Variants in PLCB4 observed in about 807,000 individuals in gnomAD.
The protein encoded by PLCB4 is 1-phosphatidylinositol 4,5-bisphosphate phosphodiesterase beta-4.
Under a neutral mutation model 178.8 loss-of-function variants are expected in PLCB4, and 77 were observed. That is an observed-to-expected ratio of 0.43 (90% CI 0.36 to 0.52). The LOEUF is 0.52. Ranked by LOEUF, PLCB4 falls within the 20% of genes least tolerant of loss-of-function variation. The pLI, the probability that PLCB4 is intolerant of heterozygous loss-of-function variation, is 0.00. For missense variants in PLCB4, 1,024 were observed against 1,453.4 expected (o/e 0.70, Z 4.80); for synonymous variants, 496 against 490.8 (o/e 1.01, Z -0.14).
intron 17 of PLCB4, among the ~76,000 whole-genome samples, chr20:9,392,234 G>C (rs1472773608): frequency 6.6e-6 from 1 of 152,220 alleles, no homozygotes; most frequent in Non-Finnish European, 1.5e-5. Context: ...AACAAAGCAA[G>C]GGAAGAATGA....
intron 2 of PLCB4, among the ~76,000 whole-genome samples, chr20:9,115,759 C>T (rs544794580): frequency 6.6e-6 from 1 of 151,770 alleles, no homozygotes; most frequent in Non-Finnish European, 1.5e-5. Context: ...TATTGATGGG[C>T]TTGATTCTTC....
chr20:9,344,373 C>T (rs888756429), intron 7 of PLCB4, among the ~76,000 whole-genome samples: 5 of 152,204 alleles, frequency 3.3e-5, no homozygotes, highest in African/African-American at 4.8e-5. Context: ...CTTCTTAGCA[C>T]GACTTACTTA....
chr20:9,398,741 C>G lies in PLCB4; in HGVS notation c.1511-2749C>G, dbSNP rs534979648. On this transcript the variant is annotated intron_variant, in intron 19 of 39. Transcript: ENST00000378473. ...TTGAGATGGAGTCTTGCTCTGTCAC[C>G]CAGGCTGGAGTGCAGTGGCGCGATC... Among the ~76,000 whole-genome samples the G allele has an allele frequency of 2.7e-5, 4 of 148,638 alleles. No homozygotes were observed. In the East Asian group the frequency reaches 7.8e-4, roughly 29 times the overall value.
chr20:9,112,415 T>TG (rs2091614859), intron 2 of PLCB4, among the ~76,000 whole-genome samples: 1 of 151,880 alleles, frequency 6.6e-6, no homozygotes, highest in African/African-American at 2.4e-5. Flanking sequence ...CCACCATGCC[T>TG]GGCTAATTTT....
Position 9,194,545 on chromosome 20 carries a change from G to A in PLCB4, c.-78-22845G>A, listed in dbSNP as rs192729608. ...CTACTAAAAATACAAAAAATTAGCC[G>A]GGCGTGGTGGCAGGCCAGGCGCCTG... On this transcript the variant is annotated intron_variant, in intron 2 of 39. Transcript: ENST00000378473. Among the ~76,000 whole-genome samples the A allele has an allele frequency of 6.3e-3, 954 of 151,676 alleles. 8 individuals carry two copies. Among genetic ancestry groups the A allele is most frequent in the African/African-American group, 0.022 (898 of 41,378 alleles).
rs939578869 is a variant in PLCB4, at chr20:9,130,369, G to A, written c.-79+34027G>A. ...CACCAAAAATAAATCTTTTAATTGT[G>A]TATGATGCAGTAGATGCATGCATAC... On this transcript the variant is annotated intron_variant, in intron 2 of 39. Coordinates refer to ENST00000378473, the MANE Select transcript of PLCB4 (RefSeq NM_001377142.1). Among the ~76,000 whole-genome samples, 79 of 152,304 alleles carry A rather than the reference G, an allele frequency of 5.2e-4. 1 individual carries two copies. The highest frequency in any genetic ancestry group is 1.8e-3 in the African/African-American group (75 of 41,558).
chr20:9,084,791 C>A (rs1423369525), intron 1 of PLCB4, among the ~76,000 whole-genome samples: 3 of 152,080 alleles, frequency 2.0e-5, no homozygotes, highest in Admixed American at 2.0e-4. Context: ...CAATATAAAG[C>A]ATGACATTGA....
intron 7 of PLCB4, among the ~76,000 whole-genome samples, chr20:9,358,664 G>A (rs1318223809): frequency 6.6e-6 from 1 of 152,086 alleles, no homozygotes; most frequent in Non-Finnish European, 1.5e-5. Context: ...GGAGGCCAAG[G>A]CGGACAGATC....
intron 4 of PLCB4, among the ~76,000 whole-genome samples, chr20:9,332,867 G>C (rs1437402091): frequency 6.6e-6 from 1 of 152,202 alleles, no homozygotes; most frequent in African/African-American, 2.4e-5. Flanking sequence ...TTTTGAAAAT[G>C]ATTTCTTCAC....
chr20:9,154,707 G>T (rs1205689241), intron 2 of PLCB4, among the ~76,000 whole-genome samples: 4 of 151,586 alleles, frequency 2.6e-5, no homozygotes, highest in African/African-American at 9.7e-5. Flanking sequence ...ACATTTATTT[G>T]ACCACCTCTC....
chr20:9,378,147 A>T (rs998372347), intron 12 of PLCB4, among the ~76,000 whole-genome samples: 5 of 152,104 alleles, frequency 3.3e-5, no homozygotes, highest in African/African-American at 7.2e-5. Flanking sequence ...TCCTAATTTT[A>T]TCTCTTCTCT....
At chr20:9,179,427 A>G (rs948245059) in intron 2 of PLCB4, among the ~76,000 whole-genome samples, 1 of 152,182 alleles carries the variant, frequency 6.6e-6, no homozygotes, top group African/African-American at 2.4e-5. Context: ...TTGAATGACA[A>G]TGAAATGGAT....
chr20:9,334,161 G>A (rs907580594), intron 4 of PLCB4, among the ~76,000 whole-genome samples: 2 of 152,116 alleles, frequency 1.3e-5, no homozygotes, highest in African/African-American at 2.4e-5. Context: ...AGGAAAAGGC[G>A]GGAAATTAGA....
intron 4 of PLCB4, among the ~76,000 whole-genome samples, chr20:9,334,899 A>AG (rs1199317869): frequency 6.6e-6 from 1 of 152,104 alleles, no homozygotes; most frequent in Non-Finnish European, 1.5e-5. Flanking sequence ...AGGGGTACTC[A>AG]GGGGGGAAGG....
intron 28 of PLCB4, among the ~76,000 whole-genome samples, chr20:9,432,765 A>C (rs1455383446): frequency 3.9e-5 from 6 of 152,320 alleles, no homozygotes; most frequent in East Asian, 1.9e-4. Flanking sequence ...TGGTTCTCCT[A>C]ACACAGCATC....
In PLCB4 at chr20:9,468,818, T is replaced by C. The variant is rs573196397; in HGVS notation, c.3350+146T>C. Reference sequence around the variant, plus strand: ...AGGAATTCTGCTATTATAACTGCAATGGAGATTTGTTATTATCACTGTAGA... The same window carrying C: ...AGGAATTCTGCTATTATAACTGCAACGGAGATTTGTTATTATCACTGTAGA... On this transcript the variant is annotated intron_variant, in intron 36 of 39. Coordinates refer to ENST00000378473, the MANE Select transcript of PLCB4 (RefSeq NM_001377142.1). The C allele has an allele frequency of 1.1e-5, 6 of 554,036 alleles. No individual in the cohort carries two copies. The Admixed American group carries it at 1.5e-4, about 14-fold the overall frequency. 34.3% of individuals were successfully genotyped at this position (554,036 alleles called of 1,614,324 possible).
chr20:9,471,243 G>A (rs1477022317), intron 36 of PLCB4, among the ~76,000 whole-genome samples: 6 of 151,906 alleles, frequency 3.9e-5, no homozygotes, highest in Non-Finnish European at 5.9e-5. Flanking sequence ...AGAATATGAA[G>A]TTGGAAAAAC....
chr20:9,287,750 T>A (rs2094547478), intron 3 of PLCB4, among the ~76,000 whole-genome samples: 1 of 152,076 alleles, frequency 6.6e-6, no homozygotes, highest in South Asian at 2.1e-4. Context: ...TTAATAAAAT[T>A]ACTTTGTTCT....
In PLCB4 at chr20:9,260,814, T is replaced by TA. The variant is rs552650646; in HGVS notation, c.-16+43367dup. Among the ~76,000 whole-genome samples, 519 of 152,236 alleles carry TA rather than the reference T, an allele frequency of 3.4e-3. 5 individuals carry two copies. Among genetic ancestry groups the TA allele is most frequent in the Non-Finnish European group, 5.3e-3 (362 of 67,974 alleles). ...TTGTTCATTTTCTGTATTTTTCAAG[T>TA]AAAAATCCCTTAAAGAAATAAAATA... is the stretch of plus-strand genomic sequence containing the variant. On this transcript the variant is annotated intron_variant, in intron 3 of 39. Coordinates refer to ENST00000378473, the MANE Select transcript of PLCB4 (RefSeq NM_001377142.1).
Sources: allele counts gnomAD v4.1 joint callset (sites outside exome capture counted in the v4.1 genomes callset), GRCh38; gene constraint gnomAD v4.1.1; transcripts MANE v1.5; gene names NCBI Gene and HGNC (gene_info 2026-07-23, HGNC 2026-07-21).